KCND2: variants seen among roughly 807,000 people sequenced by gnomAD.
The protein encoded by KCND2 is potassium voltage-gated channel subfamily D member 2, also known as A-type voltage-gated potassium channel KCND2.
KCND2 carries 16 observed loss-of-function variants against 54.4 expected under a neutral mutation model. That is an observed-to-expected ratio of 0.29 (90% CI 0.20 to 0.45). KCND2 has a LOEUF of 0.45. Ranked by LOEUF, KCND2 falls within the 20% of genes least tolerant of loss-of-function variation. The pLI is 1.00. For missense variants in KCND2, 486 were observed against 824.2 expected (o/e 0.59, Z 5.02); for synonymous variants, 317 against 310.7 (o/e 1.02, Z -0.21).
At chr7:120,620,240 CA>C (rs568568003) in intron 1 of KCND2, among the ~76,000 whole-genome samples, 152 of 138,550 alleles carry the variant, frequency 1.1e-3, no homozygotes, top group Admixed American at 2.0e-3. Context: ...ATTCCAACTG[CA>C]AAAAAAAAAA....
At chr7:120,318,632 A>G (rs916997399) in intron 1 of KCND2, among the ~76,000 whole-genome samples, 13 of 152,138 alleles carry the variant, frequency 8.5e-5, no homozygotes, top group Non-Finnish European at 1.5e-5. Flanking sequence ...ATTGAGAACC[A>G]AATAAAATCT....
At chr7:120,560,344 G>A (rs566167613) in intron 1 of KCND2, among the ~76,000 whole-genome samples, 65 of 152,258 alleles carry the variant, frequency 4.3e-4, no homozygotes, top group Non-Finnish European at 7.4e-4. Flanking sequence ...GCTACTTGAA[G>A]TGGAATGATG....
In KCND2 at chr7:120,284,249, A is replaced by G. The variant is rs567455072; in HGVS notation, c.1115+8502A>G. Among the ~76,000 whole-genome samples, 61 of 152,106 alleles carry G rather than the reference A, an allele frequency of 4.0e-4. 2 individuals carry two copies. The highest frequency in any genetic ancestry group is 1.3e-3 in the African/African-American group (56 of 41,492). ...TCTTTCCAGAGGCCTATTTCCTGAT[A>G]AGGAAGCAAGGATTCATGGGGGCTA... On this transcript the variant is annotated intron_variant, in intron 1 of 5. Coordinates refer to ENST00000331113, the MANE Select transcript of KCND2 (RefSeq NM_012281.3).
intron 1 of KCND2, among the ~76,000 whole-genome samples, chr7:120,680,357 T>C (rs887728085): frequency 3.9e-5 from 6 of 152,162 alleles, no homozygotes; most frequent in African/African-American, 9.6e-5. Context: ...CTTGTTTTAG[T>C]TATTCCTACA....
chr7:120,632,039 T>C (rs955824909), intron 1 of KCND2, among the ~76,000 whole-genome samples: 1 of 152,170 alleles, frequency 6.6e-6, no homozygotes, highest in Admixed American at 6.5e-5. Flanking sequence ...ATTACTCTAA[T>C]ACCCCAATTT....
At chr7:120,614,462 C>T (rs1038469951) in intron 1 of KCND2, among the ~76,000 whole-genome samples, 4 of 152,212 alleles carry the variant, frequency 2.6e-5, no homozygotes, top group African/African-American at 4.8e-5. Flanking sequence ...ACTGAAAATC[C>T]ACCTCATCTA....
At chr7:120,648,445 A>G (rs2116540998) in intron 1 of KCND2, among the ~76,000 whole-genome samples, 1 of 152,264 alleles carries the variant, frequency 6.6e-6, no homozygotes, top group South Asian at 2.1e-4. Context: ...ACATCGAAAT[A>G]GAGAAGAGGA....
intron 1 of KCND2, among the ~76,000 whole-genome samples, chr7:120,373,175 G>T (rs1474396972): frequency 1.3e-5 from 2 of 151,720 alleles, no homozygotes; most frequent in African/African-American, 4.8e-5. Flanking sequence ...TTATATCCTG[G>T]CATTTCCTCA....
intron 1 of KCND2, among the ~76,000 whole-genome samples, chr7:120,578,543 C>G (rs1230022574): frequency 6.6e-6 from 1 of 151,986 alleles, no homozygotes; most frequent in Non-Finnish European, 1.5e-5. Context: ...TCCAGCCTAG[C>G]GAACATGGTG....
chr7:120,439,058 A>T (rs1207954819), intron 1 of KCND2, among the ~76,000 whole-genome samples: 1 of 152,116 alleles, frequency 6.6e-6, no homozygotes, highest in South Asian at 2.1e-4. Flanking sequence ...TGCTCTTTAT[A>T]TGAAATATTT....
At chr7:120,437,362 C>A (rs1371886721) in intron 1 of KCND2, among the ~76,000 whole-genome samples, 1 of 151,078 alleles carries the variant, frequency 6.6e-6, no homozygotes, top group Admixed American at 6.6e-5. Flanking sequence ...GCCACCATGC[C>A]CAGATAATTT....
At chr7:120,623,779 A>G (rs1678025405) in intron 1 of KCND2, among the ~76,000 whole-genome samples, 1 of 152,214 alleles carries the variant, frequency 6.6e-6, no homozygotes, top group Non-Finnish European at 1.5e-5. Context: ...GCATTGTGGT[A>G]TAAGAATTTA....
At chr7:120,369,595 C>T (rs1234844247) in intron 1 of KCND2, among the ~76,000 whole-genome samples, 5 of 152,024 alleles carry the variant, frequency 3.3e-5, no homozygotes, top group Admixed American at 2.6e-4. Context: ...TATGAAATCC[C>T]TCATTTTATC....
chr7:120,733,729 C>T (rs7807447), intron 2 of KCND2, among the ~76,000 whole-genome samples: 5,473 of 152,072 alleles, frequency 0.036, 322 homozygotes, highest in African/African-American at 0.12. Context: ...ATTTTATTCT[C>T]GTCCCAGCAG....
chr7:120,514,933 G>A (rs1263109456), intron 1 of KCND2, among the ~76,000 whole-genome samples: 1 of 152,048 alleles, frequency 6.6e-6, no homozygotes, highest in Non-Finnish European at 1.5e-5. Flanking sequence ...AAATTAGATA[G>A]TGATTGTGTA....
At chr7:120,327,463 G>C (rs534053064) in intron 1 of KCND2, among the ~76,000 whole-genome samples, 1 of 152,050 alleles carries the variant, frequency 6.6e-6, no homozygotes, top group African/African-American at 2.4e-5. Flanking sequence ...TATATGAAGA[G>C]TGATTCTTCC....
At chr7:120,463,512 G>C (rs1802316651) in intron 1 of KCND2, among the ~76,000 whole-genome samples, 1 of 151,954 alleles carries the variant, frequency 6.6e-6, no homozygotes, top group Non-Finnish European at 1.5e-5. Context: ...TTCACGTTTT[G>C]ATGTCACTTA....
intron 1 of KCND2, among the ~76,000 whole-genome samples, chr7:120,471,970 A>G (rs1802460391): frequency 6.6e-6 from 1 of 151,894 alleles, no homozygotes; most frequent in Non-Finnish European, 1.5e-5. Flanking sequence ...TATGTGTCAA[A>G]GATTATCTCA....
chr7:120,340,987 G>A (rs571686405), intron 1 of KCND2, among the ~76,000 whole-genome samples: 1 of 152,186 alleles, frequency 6.6e-6, no homozygotes, highest in African/African-American at 2.4e-5. Flanking sequence ...ATTCCAATGT[G>A]TAGTTTTAAA....
Sources: gnomAD v4.1 joint callset for allele counts (sites outside exome capture counted in the v4.1 genomes callset) on GRCh38, gnomAD v4.1.1 for gene constraint, MANE v1.5 for transcripts, NCBI Gene and HGNC (gene_info 2026-07-23, HGNC 2026-07-21) for gene names.